ME3: variants seen among roughly 807,000 people sequenced by gnomAD.
ME3 encodes NADP-dependent malic enzyme, mitochondrial.
Under a neutral mutation model 68.9 loss-of-function variants are expected in ME3, and 48 were observed. The observed-to-expected ratio is 0.70, with a 90% CI of 0.55 to 0.89. The LOEUF is 0.89. Ranked by LOEUF, ME3 falls within the 40% of genes least tolerant of loss-of-function variation. ME3 has a pLI of 0.00. For missense variants in ME3, 675 were observed against 797.4 expected (o/e 0.85, Z 1.85); for synonymous variants, 320 against 318.8 (o/e 1.00, Z -0.04).
chr11:86,640,894 T>A (rs1259451846), intron 2 of ME3, among the ~76,000 whole-genome samples: 1 of 152,018 alleles, frequency 6.6e-6, no homozygotes, highest in Non-Finnish European at 1.5e-5. Flanking sequence ...CAGGATCTCA[T>A]CTCCAGGATA....
intron 2 of ME3, among the ~76,000 whole-genome samples, chr11:86,590,080 C>A (rs542556245): frequency 6.6e-6 from 1 of 152,136 alleles, no homozygotes; most frequent in Non-Finnish European, 1.5e-5. Flanking sequence ...ACTTGGCCCA[C>A]GGAGGACTAA....
At chr11:86,480,860 A>C (rs1026028283) in intron 7 of ME3, among the ~76,000 whole-genome samples, 2 of 152,162 alleles carry the variant, frequency 1.3e-5, no homozygotes, top group African/African-American at 4.8e-5. Flanking sequence ...CCTCCATGGC[A>C]GGGTGAGCTC....
chr11:86,604,848 A>G (rs538731341), intron 2 of ME3, among the ~76,000 whole-genome samples: 2 of 152,312 alleles, frequency 1.3e-5, no homozygotes, highest in Middle Eastern at 3.4e-3. Context: ...AATCCATTGT[A>G]TCTTATATGT....
intron 2 of ME3, among the ~76,000 whole-genome samples, chr11:86,661,352 C>T (rs1472215249): frequency 3.3e-5 from 5 of 152,128 alleles, no homozygotes; most frequent in Admixed American, 6.5e-5. Flanking sequence ...TAAGTGGATC[C>T]GGTATGGATG....
intron 2 of ME3, among the ~76,000 whole-genome samples, chr11:86,621,144 T>C (rs1943323444): frequency 6.6e-6 from 1 of 152,240 alleles, no homozygotes; most frequent in South Asian, 2.1e-4. Flanking sequence ...CACCTATTCC[T>C]GCCATCTCCA....
intron 2 of ME3, among the ~76,000 whole-genome samples, chr11:86,669,305 T>C (rs2135527482): frequency 6.6e-6 from 1 of 152,350 alleles, no homozygotes; most frequent in Non-Finnish European, 1.5e-5. Context: ...ATATAAAAGA[T>C]GTTGTTTAAC....
At chr11:86,640,309 G>C (rs934174684) in intron 2 of ME3, among the ~76,000 whole-genome samples, 1 of 152,204 alleles carries the variant, frequency 6.6e-6, no homozygotes, top group African/African-American at 2.4e-5. Flanking sequence ...GCAAAGTATT[G>C]AAAGAAGGAG....
At chr11:86,453,533 C>A (rs80172229) in intron 8 of ME3, among the ~76,000 whole-genome samples, 2,541 of 152,278 alleles carry the variant, frequency 0.017, 32 homozygotes, top group South Asian at 0.029. Context: ...GCTTCCCCCC[C>A]ACCACCCCAG....
chr11:86,535,241 G>C (rs547100711), intron 4 of ME3, among the ~76,000 whole-genome samples: 56 of 152,166 alleles, frequency 3.7e-4, no homozygotes, highest in African/African-American at 1.3e-3. Context: ...TACAATCCAA[G>C]GAGGTTCACC....
chr11:86,503,922 G>A (rs1165667601), intron 5 of ME3, among the ~76,000 whole-genome samples: 2 of 152,140 alleles, frequency 1.3e-5, no homozygotes, highest in Admixed American at 6.5e-5. Flanking sequence ...GCCACTGTGG[G>A]AAAAAGTCAG....
chr11:86,481,941 C>G (rs758824810), intron 7 of ME3, among the ~76,000 whole-genome samples: 1 of 152,204 alleles, frequency 6.6e-6, no homozygotes. Context: ...CAGAGAGGTT[C>G]AGAGTCCTAA....
chr11:86,671,761 C>A lies in ME3; in HGVS notation c.183+1G>T, dbSNP rs1240713017. The A allele has an allele frequency of 1.9e-6, 3 of 1,603,802 alleles. No homozygotes were observed. Among genetic ancestry groups the A allele is most frequent in the African/African-American group, 1.4e-5 (1 of 73,538 alleles). On this transcript the variant is annotated splice_donor_variant, in intron 2 of 14. Transcript: ENST00000543262. LOFTEE classifies it high-confidence loss of function. Reference sequence around the variant, plus strand: ...GGCCGTCCTGCCCTCTGGCCCATTACCTTGTTGAGATGAGGGTTCCTGGTG... The same window carrying A: ...GGCCGTCCTGCCCTCTGGCCCATTAACTTGTTGAGATGAGGGTTCCTGGTG...
intron 4 of ME3, among the ~76,000 whole-genome samples, chr11:86,524,497 T>C (rs1001363842): frequency 2.5e-4 from 38 of 152,156 alleles, no homozygotes; most frequent in Admixed American, 8.5e-4. Context: ...ACCAAGATAA[T>C]AGTCCCCTAA....
intron 8 of ME3, among the ~76,000 whole-genome samples, chr11:86,452,522 A>G (rs1439892772): frequency 6.6e-6 from 1 of 152,182 alleles, no homozygotes; most frequent in African/African-American, 2.4e-5. Flanking sequence ...GGTTTGGGTC[A>G]CTCTACTGGG....
intron 2 of ME3, among the ~76,000 whole-genome samples, chr11:86,623,515 C>CCCTG (rs57615584): frequency 1.3e-3 from 190 of 151,816 alleles, no homozygotes; most frequent in African/African-American, 4.5e-3. Context: ...CTTTGGAGAA[C>CCCTG]GCTAACATGA....
At chr11:86,666,971 GC>G (rs1156741434) in intron 2 of ME3, among the ~76,000 whole-genome samples, 1 of 152,192 alleles carries the variant, frequency 6.6e-6, no homozygotes, top group East Asian at 1.9e-4. Context: ...GCAAATCCTA[GC>G]TGTGTGGAAG....
intron 2 of ME3, among the ~76,000 whole-genome samples, chr11:86,642,654 G>A (rs932477063): frequency 5.9e-5 from 9 of 152,190 alleles, no homozygotes; most frequent in Non-Finnish European, 1.3e-4. Context: ...AGTGAGTCAC[G>A]ATCATGCCAC....
intron 2 of ME3, among the ~76,000 whole-genome samples, chr11:86,610,323 A>G (rs1475430100): frequency 6.6e-6 from 1 of 152,144 alleles, no homozygotes; most frequent in Non-Finnish European, 1.5e-5. Flanking sequence ...TGTGTCTGAA[A>G]TACTTTATAA....
chr11:86,443,994 C>A (rs1160568536), intron 13 of ME3, among the ~76,000 whole-genome samples: 2 of 152,110 alleles, frequency 1.3e-5, no homozygotes, highest in African/African-American at 4.8e-5. Context: ...TGCTGAGGAG[C>A]CATATAAGGA....
Sources: gnomAD v4.1 joint callset for allele counts (sites outside exome capture counted in the v4.1 genomes callset) on GRCh38, gnomAD v4.1.1 for gene constraint, MANE v1.5 for transcripts, NCBI Gene and HGNC (gene_info 2026-07-23, HGNC 2026-07-21) for gene names.